The following SEMA3A variants were observed in gnomAD, a reference collection of about 807,000 sequenced individuals.
SEMA3A encodes the protein semaphorin-3A.
In SEMA3A, 29 loss-of-function variants were observed where a neutral mutation model predicts 97.9. The observed-to-expected ratio is 0.30, with a 90% CI of 0.22 to 0.40. The LOEUF is 0.40. Among genes scored for constraint, SEMA3A ranks in the 10% least tolerant of loss-of-function variants. The pLI is 1.00. For missense variants in SEMA3A, 763 were observed against 951.3 expected (o/e 0.80, Z 2.60); for synonymous variants, 321 against 323.7 (o/e 0.99, Z 0.09).
At chr7:84,212,534 G>A (rs57155244) in intron 3 of SEMA3A, among the ~76,000 whole-genome samples, 1 of 104,568 alleles carries the variant, frequency 9.6e-6, no homozygotes, top group East Asian at 1.0e-3. Flanking sequence ...ATACTCTTAC[G>A]ATGTCTGCAA....
intron 3 of SEMA3A, among the ~76,000 whole-genome samples, chr7:84,264,138 A>C (rs1799931651): frequency 6.6e-6 from 1 of 152,132 alleles, no homozygotes; most frequent in South Asian, 2.1e-4. Context: ...TATTTTAATC[A>C]AATAATGAAT....
intron 2 of SEMA3A, among the ~76,000 whole-genome samples, chr7:84,359,792 A>G (rs1022954849): frequency 3.3e-5 from 5 of 152,102 alleles, no homozygotes; most frequent in African/African-American, 7.2e-5. Flanking sequence ...TTGGTAAGCT[A>G]TTAATTATTG....
At chr7:84,347,931 T>C (rs1236081341) in intron 2 of SEMA3A, among the ~76,000 whole-genome samples, 1 of 152,120 alleles carries the variant, frequency 6.6e-6, no homozygotes, top group African/African-American at 2.4e-5. Context: ...GGCGCATAGA[T>C]GATCATCTAA....
chr7:84,414,330 A>G (rs910746776), intron 1 of SEMA3A, among the ~76,000 whole-genome samples: 4 of 151,958 alleles, frequency 2.6e-5, no homozygotes, highest in Non-Finnish European at 5.9e-5. Flanking sequence ...TTGGTTGTGT[A>G]AACATTAATG....
At chr7:84,110,371 A>G (rs1795240217) in intron 4 of SEMA3A, 99 bp downstream of exon 4, 1 of 1,352,504 alleles carries the variant, frequency 7.4e-7, no homozygotes, top group Admixed American at 1.9e-5. Context: ...CCCACTGAAT[A>G]GTGAACCACA....
At chr7:84,007,639 T>A in intron 9 of SEMA3A, 142 bp from the exon 10 acceptor site, 1 of 715,918 alleles carries the variant, frequency 1.4e-6, no homozygotes, top group Non-Finnish European at 2.0e-6. Flanking sequence ...GGGATTTTTC[T>A]AGTCACATGT....
At chr7:84,304,916 T>C (rs1255071201) in intron 3 of SEMA3A, among the ~76,000 whole-genome samples, 1 of 152,068 alleles carries the variant, frequency 6.6e-6, no homozygotes, top group East Asian at 1.9e-4. Context: ...CTTTCCACTT[T>C]TTAAATAAAT....
intron 3 of SEMA3A, among the ~76,000 whole-genome samples, chr7:84,246,971 T>A (rs1038180716): frequency 2.0e-5 from 3 of 152,146 alleles, no homozygotes; most frequent in Non-Finnish European, 2.9e-5. Context: ...AGGGATGACA[T>A]GATTATAAAT....
intron 5 of SEMA3A, among the ~76,000 whole-genome samples, chr7:84,050,065 T>C (rs1183144623): frequency 6.6e-6 from 1 of 151,518 alleles, no homozygotes; most frequent in Non-Finnish European, 1.5e-5. Context: ...TATGGCTGCA[T>C]AGTATTCCAT....
intron 11 of SEMA3A, among the ~76,000 whole-genome samples, chr7:84,004,430 T>C (rs1434139857): frequency 1.3e-5 from 2 of 152,110 alleles, no homozygotes; most frequent in Non-Finnish European, 2.9e-5. Flanking sequence ...CTAATGAATT[T>C]TTTTTCTTTT....
chr7:84,226,557 A>T (rs1194552013), intron 3 of SEMA3A, among the ~76,000 whole-genome samples: 1 of 152,110 alleles, frequency 6.6e-6, no homozygotes. Flanking sequence ...GTTAAAATAT[A>T]TTATCACTCT....
chr7:84,289,219 C>T (rs1800677003), intron 3 of SEMA3A, among the ~76,000 whole-genome samples: 1 of 151,954 alleles, frequency 6.6e-6, no homozygotes, highest in South Asian at 2.1e-4. Context: ...AAAGGGTAGG[C>T]GGGAGGACAG....
At chr7:84,043,355 A>C (rs1303901639) in intron 6 of SEMA3A, among the ~76,000 whole-genome samples, 1 of 152,076 alleles carries the variant, frequency 6.6e-6, no homozygotes, top group African/African-American at 2.4e-5. Context: ...AGATATTTCA[A>C]GTTACAATTT....
intron 12 of SEMA3A, among the ~76,000 whole-genome samples, chr7:83,994,512 GT>G (rs1313279078): frequency 7.7e-6 from 1 of 130,256 alleles, no homozygotes; most frequent in Non-Finnish European, 1.6e-5. Context: ...TGTCCTTTCT[GT>G]TTGTTAGTTT....
chr7:84,378,960 T>G (rs376024742), intron 1 of SEMA3A, among the ~76,000 whole-genome samples: 1 of 152,092 alleles, frequency 6.6e-6, no homozygotes, highest in South Asian at 2.1e-4. Context: ...GGAATCTTGC[T>G]CTGTCGCCCA....
chr7:84,241,290 T>A (rs1054466423), intron 3 of SEMA3A, among the ~76,000 whole-genome samples: 3 of 152,184 alleles, frequency 2.0e-5, no homozygotes, highest in African/African-American at 7.2e-5. Context: ...TTTTTAATAA[T>A]CACCATTCTA....
chr7:84,008,582 A>G (rs141626697), intron 9 of SEMA3A, among the ~76,000 whole-genome samples: 2 of 152,286 alleles, frequency 1.3e-5, no homozygotes, highest in African/African-American at 4.8e-5. Context: ...CAAAGATATT[A>G]AACAGTTCTG....
At chr7:84,108,167 G>A (rs1795164829) in intron 4 of SEMA3A, among the ~76,000 whole-genome samples, 1 of 151,984 alleles carries the variant, frequency 6.6e-6, no homozygotes, top group Non-Finnish European at 1.5e-5. Context: ...AACTGTATGA[G>A]GTACAGACCA....
chr7:84,265,346 T>G (rs941882256), intron 3 of SEMA3A, among the ~76,000 whole-genome samples: 2 of 151,402 alleles, frequency 1.3e-5, no homozygotes, highest in Non-Finnish European at 2.9e-5. Flanking sequence ...TAAATGCTGT[T>G]GGATGCCTGA....
Sources: allele counts gnomAD v4.1 joint callset (sites outside exome capture counted in the v4.1 genomes callset), GRCh38; gene constraint gnomAD v4.1.1; transcripts MANE v1.5; gene names NCBI Gene and HGNC (gene_info 2026-07-23, HGNC 2026-07-21).